The following KCNB2 variants were observed in gnomAD, a reference collection of about 807,000 sequenced individuals.
KCNB2 encodes delayed rectifier potassium channel protein.
In KCNB2, 15 loss-of-function variants were observed where a neutral mutation model predicts 61.5. The ratio of observed to expected loss-of-function variants is 0.24; its 90% CI spans 0.16 to 0.38. The LOEUF (loss-of-function observed/expected upper bound fraction) is 0.38, where lower values mean the gene tolerates loss of function less well. Ranked by LOEUF, KCNB2 falls within the 10% of genes least tolerant of loss-of-function variation. KCNB2 has a pLI of 1.00. For missense variants in KCNB2, 828 were observed against 1,125.2 expected (o/e 0.74, Z 3.78); for synonymous variants, 457 against 446.0 (o/e 1.02, Z -0.31).
At chr8:72,923,680 A>T (rs886563737) in intron 2 of KCNB2, among the ~76,000 whole-genome samples, 4 of 151,068 alleles carry the variant, frequency 2.6e-5, no homozygotes, top group African/African-American at 9.9e-5. Context: ...CAGACTATAC[A>T]TTTGTCTGTA....
chr8:72,719,025 TAGAAAACATCTGA>T (rs1198817644), intron 2 of KCNB2, among the ~76,000 whole-genome samples: 2 of 152,132 alleles, frequency 1.3e-5, no homozygotes, highest in Admixed American at 6.6e-5. Flanking sequence ...CAAGAGACTT[TAGAAAACATCTGA>T]AGAAAACATC....
intron 2 of KCNB2, among the ~76,000 whole-genome samples, chr8:72,912,652 A>G (rs1354065647): frequency 6.6e-6 from 1 of 151,990 alleles, no homozygotes; most frequent in Non-Finnish European, 1.5e-5. Flanking sequence ...ATGTAGTACT[A>G]GGATTATCAG....
chr8:72,762,233 TG>T (rs200854563), intron 2 of KCNB2, among the ~76,000 whole-genome samples: 2,701 of 152,286 alleles, frequency 0.018, 36 homozygotes, highest in Non-Finnish European at 0.025. Flanking sequence ...CTGTGATCGA[TG>T]GGGGATGTGC....
chr8:72,578,588 CA>C (rs1248803356), intron 2 of KCNB2, among the ~76,000 whole-genome samples: 1 of 152,040 alleles, frequency 6.6e-6, no homozygotes, highest in African/African-American at 2.4e-5. Context: ...ACTCATGAGC[CA>C]TTATAAATAT....
intron 2 of KCNB2, among the ~76,000 whole-genome samples, chr8:72,667,017 G>GAGAGAC (rs1461013201): frequency 2.0e-5 from 3 of 151,822 alleles, no homozygotes; most frequent in African/African-American, 7.3e-5. Flanking sequence ...GAGAGAGAGA[G>GAGAGAC]AGTGACAGAG....
intron 2 of KCNB2, among the ~76,000 whole-genome samples, chr8:72,702,887 A>T (rs569017130): frequency 6.6e-6 from 1 of 151,598 alleles, no homozygotes; most frequent in African/African-American, 2.4e-5. Flanking sequence ...CCAGGGATCC[A>T]CTCCCCGTGG....
At chr8:72,789,886 G>A (rs1391721135) in intron 2 of KCNB2, among the ~76,000 whole-genome samples, 1 of 151,982 alleles carries the variant, frequency 6.6e-6, no homozygotes, top group African/African-American at 2.4e-5. Context: ...GAACTGGGGA[G>A]GAGAATGTTG....
intron 2 of KCNB2, among the ~76,000 whole-genome samples, chr8:72,673,967 G>T (rs752850214): frequency 6.6e-6 from 1 of 152,082 alleles, no homozygotes. Context: ...ATATTTTACC[G>T]TAATTTAAAA....
chr8:72,803,023 C>T lies in KCNB2; in HGVS notation c.580-132912C>T, dbSNP rs565280580. On this transcript the variant is annotated intron_variant, in intron 2 of 2. Coordinates refer to ENST00000523207, the MANE Select transcript of KCNB2 (RefSeq NM_004770.3). ...CCACCCAAATCTTTGAAAAGTTGTG[C>T]GACCTAGAAAAATGATCGCCACCAT... Among the ~76,000 whole-genome samples the T allele has an allele frequency of 3.3e-5, 5 of 152,234 alleles. No individual in the cohort carries two copies. In the East Asian group the frequency reaches 9.7e-4, roughly 29 times the overall value.
chr8:72,818,006 T>C (rs936901885), intron 2 of KCNB2, among the ~76,000 whole-genome samples: 1 of 152,200 alleles, frequency 6.6e-6, no homozygotes, highest in African/African-American at 2.4e-5. Flanking sequence ...CTAACAATAC[T>C]GTCATTTCAC....
intron 1 of KCNB2, among the ~76,000 whole-genome samples, chr8:72,563,483 C>G (rs564370727): frequency 1.3e-5 from 2 of 152,096 alleles, no homozygotes; most frequent in East Asian, 3.9e-4. Flanking sequence ...TTAAGATTGG[C>G]TACAGAAAAC....
intron 2 of KCNB2, chr8:72,660,526 A>G (rs1056057821): frequency 2.6e-5 from 4 of 152,196 alleles, no homozygotes; most frequent in African/African-American, 4.8e-5. Context: ...CATCAGAGAC[A>G]TAAGTATGCC....
chr8:72,585,216 T>C lies in KCNB2; in HGVS notation c.579+16903T>C, dbSNP rs538147083. ...CTGTCCCTGGCCAAGTGGCAGACTA[T>C]AGACAAGAGATGCAATAAGTTTTGT... On this transcript the variant is annotated intron_variant, in intron 2 of 2. Coordinates refer to ENST00000523207, the MANE Select transcript of KCNB2 (RefSeq NM_004770.3). 1.2e-4 allele frequency among the ~76,000 whole-genome samples: 19 copies of C among 152,358 alleles called. No individual in the cohort carries two copies. The South Asian group carries it at 3.7e-3, about 30-fold the overall frequency.
At chr8:72,874,271 C>T (rs6983544) in intron 2 of KCNB2, among the ~76,000 whole-genome samples, 45 of 152,086 alleles carry the variant, frequency 3.0e-4, no homozygotes, top group African/African-American at 1.1e-3. Flanking sequence ...GGGACTGATC[C>T]GAATTAGTTG....
At chr8:72,568,430 G>A in intron 2 of KCNB2, 117 bp downstream of exon 2, 1 of 841,470 alleles carries the variant, frequency 1.2e-6, no homozygotes. Flanking sequence ...TGGCTACACA[G>A]ACAGTGAAAA....
chr8:72,738,515 C>G (rs1807889074), intron 2 of KCNB2, among the ~76,000 whole-genome samples: 1 of 152,188 alleles, frequency 6.6e-6, no homozygotes. Flanking sequence ...CTTCTCAGCT[C>G]TCTCCAGTGT....
intron 2 of KCNB2, among the ~76,000 whole-genome samples, chr8:72,662,016 G>C (rs1318127735): frequency 1.3e-5 from 2 of 152,262 alleles, no homozygotes; most frequent in African/African-American, 4.8e-5. Context: ...AAGAGGTTAA[G>C]CCTCTCAAGA....
chr8:72,795,388 C>A (rs1003758038), intron 2 of KCNB2, among the ~76,000 whole-genome samples: 1 of 152,120 alleles, frequency 6.6e-6, no homozygotes, highest in African/African-American at 2.4e-5. Context: ...CACAATATGA[C>A]CCTTTAAATA....
intron 2 of KCNB2, among the ~76,000 whole-genome samples, chr8:72,596,064 T>G (rs1232946883): frequency 6.6e-6 from 1 of 152,136 alleles, no homozygotes; most frequent in Non-Finnish European, 1.5e-5. Flanking sequence ...TCAGCATCTA[T>G]TATGTCCTAA....
Sources: gnomAD v4.1 joint callset for allele counts (sites outside exome capture counted in the v4.1 genomes callset) on GRCh38, gnomAD v4.1.1 for gene constraint, MANE v1.5 for transcripts, NCBI Gene and HGNC (gene_info 2026-07-23, HGNC 2026-07-21) for gene names.